Variants in RFTN1 observed in about 807,000 individuals in gnomAD.
RFTN1 encodes the protein raftlin.
In RFTN1, 26 loss-of-function variants were observed where a neutral mutation model predicts 46.5. That is an observed-to-expected ratio of 0.56 (90% CI 0.41 to 0.78). The LOEUF is 0.78. RFTN1 is among the 30% of genes least tolerant of loss of function. The pLI is 0.00. For synonymous variants in RFTN1, 261 were observed against 284.2 expected, an observed-to-expected ratio of 0.92 and a Z score of 0.82; for missense variants, 693 against 718.7, an observed-to-expected ratio of 0.96 and a Z score of 0.41.
intron 7 of RFTN1, among the ~76,000 whole-genome samples, chr3:16,357,137 C>A (rs28494175): frequency 3.6e-3 from 110 of 30,256 alleles, no homozygotes; most frequent in Non-Finnish European, 6.7e-3. Context: ...AACAAAAAAA[C>A]AAACAAACAA....
In RFTN1 at chr3:16,353,868, C is replaced by A. The variant is rs1311760762; in HGVS notation, c.1146+4064G>T. ...ACCCTCCCAGAACCTTGATCTTGGA[C>A]TTTTCAGCCTCCAGAACTGAGAGGA... On this transcript the variant is annotated intron_variant, in intron 7 of 9. Transcript: ENST00000334133. This position sits in a 1 kb window ranked among gnomAD's most constrained non-coding sequence, Gnocchi z 5.4. Among the ~76,000 whole-genome samples, 1 of 152,180 alleles carries A rather than the reference C, an allele frequency of 6.6e-6. No individual in the cohort carries two copies. Among genetic ancestry groups the A allele is most frequent in the Admixed American group, 6.5e-5 (1 of 15,280 alleles).
Position 16,320,803 on chromosome 3 carries a change from C to A in RFTN1, c.1332+2573G>T, listed in dbSNP as rs1325059345. On this transcript the variant is annotated intron_variant, in intron 9 of 9. Transcript: ENST00000334133. This position sits in a 1 kb window ranked among gnomAD's most constrained non-coding sequence, Gnocchi z 4.5. Reference sequence around the variant, plus strand: ...GGCTGGCAGAGGAGGTAAGAGGGACCAGATCCCTTGGGGCCTTGAGGGCCA... The same window carrying A: ...GGCTGGCAGAGGAGGTAAGAGGGACAAGATCCCTTGGGGCCTTGAGGGCCA... 3.3e-5 allele frequency among the ~76,000 whole-genome samples: 5 copies of A among 152,166 alleles called. No individual in the cohort carries two copies. The highest frequency in any genetic ancestry group is 1.5e-5 in the Non-Finnish European group (1 of 68,020).
rs1369177096 is a variant in RFTN1 at position 16,381,862 on chromosome 3, T to C, written c.442-3760A>G. On this transcript the variant is annotated intron_variant, in intron 4 of 9. Coordinates refer to ENST00000334133, the MANE Select transcript of RFTN1 (RefSeq NM_015150.2). The surrounding 1 kb of genome is among the most constrained non-coding windows in gnomAD (Gnocchi z 4.2). Reference sequence around the variant, plus strand: ...CTTGGATCCATGCCCGCAAAGGCTCTCAGTTCACCCTGCAGGCCAGCATAT... The same window carrying C: ...CTTGGATCCATGCCCGCAAAGGCTCCCAGTTCACCCTGCAGGCCAGCATAT... Among the ~76,000 whole-genome samples, 1 of 152,110 alleles carries C rather than the reference T, an allele frequency of 6.6e-6. No individual in the cohort carries two copies. Among genetic ancestry groups the C allele is most frequent in the Admixed American group, 6.5e-5 (1 of 15,270 alleles).
In RFTN1 at chr3:16,489,962, C is replaced by T. The variant is rs2076513631; in HGVS notation, c.145+3763G>A. ...GAGGTGAGGACGTAATGTCCTATCA[C>T]AGGACTGGGCACATAGTAGCACTCA... On this transcript the variant is annotated intron_variant, in intron 2 of 9. Coordinates refer to ENST00000334133, the MANE Select transcript of RFTN1 (RefSeq NM_015150.2). This position sits in a 1 kb window ranked among gnomAD's most constrained non-coding sequence, Gnocchi z 4.0. Among the ~76,000 whole-genome samples, 1 of 152,132 alleles carries T rather than the reference C, an allele frequency of 6.6e-6. No individual in the cohort carries two copies. Among genetic ancestry groups the T allele is most frequent in the Non-Finnish European group, 1.5e-5 (1 of 68,024 alleles).
At position 16,374,779 on chromosome 3, in the gene RFTN1, A is replaced by G. The variant is rs562597831; in HGVS notation, c.826+2939T>C. ...CAGGCTCAGGTGATCACGGCACAGC[A>G]CGGACCTCCAACCAAAAGGAAATTC... is the stretch of plus-strand genomic sequence containing the variant. On this transcript the variant is annotated intron_variant, in intron 5 of 9. Transcript: ENST00000334133. The surrounding 1 kb of genome is among the most constrained non-coding windows in gnomAD (Gnocchi z 5.4). 2.3e-4 allele frequency among the ~76,000 whole-genome samples: 35 copies of G among 152,320 alleles called. 1 individual carries two copies. The South Asian group carries it at 4.1e-3, about 18-fold the overall frequency.
rs115325310 is a variant in RFTN1 at position 16,487,604 on chromosome 3, C to A, written c.145+6121G>T. Among the ~76,000 whole-genome samples, 750 of 152,326 alleles carry A rather than the reference C, an allele frequency of 4.9e-3. 5 individuals are homozygous for A. The highest frequency in any genetic ancestry group is 0.016 in the African/African-American group (650 of 41,580). On this transcript the variant is annotated intron_variant, in intron 2 of 9. Transcript: ENST00000334133. Reference sequence around the variant, plus strand: ...TACCATGTGGCTGGTGGCTCCTGTACTAGTCAGTGCAGGACTGGACCATTC... The same window carrying A: ...TACCATGTGGCTGGTGGCTCCTGTAATAGTCAGTGCAGGACTGGACCATTC...
At chr3:16,319,253 T>C (rs2068776924) in intron 9 of RFTN1, among the ~76,000 whole-genome samples, 2 of 152,330 alleles carry the variant, frequency 1.3e-5, no homozygotes, top group South Asian at 2.1e-4. Flanking sequence ...CGAGAGGCAG[T>C]TGGCTCTCAG....
intron 7 of RFTN1, among the ~76,000 whole-genome samples, chr3:16,331,176 G>A (rs897803711): frequency 2.6e-5 from 4 of 152,164 alleles, no homozygotes; most frequent in Non-Finnish European, 5.9e-5. Context: ...ACCAATTAGG[G>A]TATGTAAGGG....
chr3:16,496,191 GCC>G (rs921831028), intron 1 of RFTN1, among the ~76,000 whole-genome samples: 2 of 152,234 alleles, frequency 1.3e-5, no homozygotes, highest in African/African-American at 4.8e-5. Context: ...TTTGTAGTTT[GCC>G]TATTTCTGTG....
Position 16,320,262 on chromosome 3 carries a change from C to T in RFTN1, c.1333-3030G>A. Among the ~76,000 whole-genome samples the T allele has an allele frequency of 6.6e-6, 1 of 152,204 alleles. No individual in the cohort carries two copies. The highest frequency in any genetic ancestry group is 1.9e-4 in the East Asian group (1 of 5,196). On this transcript the variant is annotated intron_variant, in intron 9 of 9. Coordinates refer to ENST00000334133, the MANE Select transcript of RFTN1 (RefSeq NM_015150.2). This position sits in a 1 kb window ranked among gnomAD's most constrained non-coding sequence, Gnocchi z 4.5. ...ATATTTGCCTTGAAAATCACACGCA[C>T]GTACACAGAGGTTTCTTTCCAATGC...
In RFTN1 at chr3:16,441,449, C is replaced by T. The variant is rs1430954567; in HGVS notation, c.146-7412G>A. ...TTTGTTTAGCAAAAACATTCCACAG[C>T]TCCATTTATTCCCTGGAAACGAAGC... On this transcript the variant is annotated intron_variant, in intron 2 of 9. Transcript: ENST00000334133. Among the ~76,000 whole-genome samples the T allele has an allele frequency of 7.2e-5, 11 of 152,286 alleles. No homozygotes were observed. The East Asian group carries it at 1.9e-3, about 27-fold the overall frequency.
chr3:16,484,882 G>A lies in RFTN1; in HGVS notation c.145+8843C>T, dbSNP rs2076423271. Reference sequence around the variant, plus strand: ...CAATTTATTCTTCTATACCGTGGGGGTGACTCCACCTACCTCATAAGATTG... The same window carrying A: ...CAATTTATTCTTCTATACCGTGGGGATGACTCCACCTACCTCATAAGATTG... On this transcript the variant is annotated intron_variant, in intron 2 of 9. Coordinates refer to ENST00000334133, the MANE Select transcript of RFTN1 (RefSeq NM_015150.2). The surrounding 1 kb of genome is among the most constrained non-coding windows in gnomAD (Gnocchi z 4.6). 1 of 152,202 alleles carries A rather than the reference G, an allele frequency of 6.6e-6. No individual in the cohort carries two copies. Among genetic ancestry groups the A allele is most frequent in the East Asian group, 1.9e-4 (1 of 5,200 alleles). 9.4% of individuals were successfully genotyped at this position (152,202 alleles called of 1,614,324 possible).
In RFTN1 at chr3:16,506,984, G is replaced by A. The variant is rs1286181486; in HGVS notation, c.-9+6458C>T. 3.3e-5 allele frequency among the ~76,000 whole-genome samples: 5 copies of A among 152,172 alleles called. No homozygotes were observed. The highest frequency in any genetic ancestry group is 7.4e-5 in the Non-Finnish European group (5 of 68,022). On this transcript the variant is annotated intron_variant, in intron 1 of 9. Transcript: ENST00000334133. This position sits in a 1 kb window ranked among gnomAD's most constrained non-coding sequence, Gnocchi z 4.8. ...TTCTTAACAGTACAGCACAGGGGTT[G>A]GTCATACAGGCTCTGGAACCAGACT...
chr3:16,491,790 AC>A (rs1309403475), intron 2 of RFTN1, among the ~76,000 whole-genome samples: 10 of 152,200 alleles, frequency 6.6e-5, no homozygotes, highest in South Asian at 2.1e-4. Flanking sequence ...AAAAAAAAAA[AC>A]AACTGCAAAT....
At chr3:16,487,448 C>T (rs894756768) in intron 2 of RFTN1, among the ~76,000 whole-genome samples, 24 of 152,352 alleles carry the variant, frequency 1.6e-4, no homozygotes, top group African/African-American at 5.5e-4. Context: ...ATGATAAAAA[C>T]GTTCTCTGTC....
rs578212146 is a variant in RFTN1 at position 16,424,213 on chromosome 3, G to A, written c.332+9638C>T. 2.6e-5 allele frequency among the ~76,000 whole-genome samples: 4 copies of A among 152,258 alleles called. No homozygotes were observed. The South Asian group carries it at 6.2e-4, about 24-fold the overall frequency. ...GAGTTGAAAGATGATGTATTTCTGTGCCATGAGTCTCAAGATGGAACTTGA... is the reference window on the plus strand; with the variant it reads ...GAGTTGAAAGATGATGTATTTCTGTACCATGAGTCTCAAGATGGAACTTGA... On this transcript the variant is annotated intron_variant, in intron 3 of 9. Coordinates refer to ENST00000334133, the MANE Select transcript of RFTN1 (RefSeq NM_015150.2). This position sits in a 1 kb window ranked among gnomAD's most constrained non-coding sequence, Gnocchi z 4.7.
In RFTN1 at chr3:16,465,062, C is replaced by T. The variant is rs1177776; in HGVS notation, c.145+28663G>A. ...AGGAGAGAGACAGAGGGGAATGAGT[C>T]TGAAGCAGACAGTCCCAGTAAGGAA... On this transcript the variant is annotated intron_variant, in intron 2 of 9. Coordinates refer to ENST00000334133, the MANE Select transcript of RFTN1 (RefSeq NM_015150.2). The surrounding 1 kb of genome is among the most constrained non-coding windows in gnomAD (Gnocchi z 5.1). Among the ~76,000 whole-genome samples the T allele has an allele frequency of 6.6e-6, 1 of 152,132 alleles. No individual in the cohort carries two copies. Among genetic ancestry groups the T allele is most frequent in the South Asian group, 2.1e-4 (1 of 4,830 alleles).
In RFTN1 at chr3:16,509,203, A is replaced by G. The variant is rs1451985857; in HGVS notation, c.-9+4239T>C. Among the ~76,000 whole-genome samples, 5 of 151,920 alleles carry G rather than the reference A, an allele frequency of 3.3e-5. No individual in the cohort carries two copies. Among genetic ancestry groups the G allele is most frequent in the East Asian group, 1.9e-4 (1 of 5,200 alleles). On this transcript the variant is annotated intron_variant, in intron 1 of 9. Transcript: ENST00000334133. This position sits in a 1 kb window ranked among gnomAD's most constrained non-coding sequence, Gnocchi z 4.9. ...AAGACAAAATGAAAACAAACAAACA[A>G]CAACAAAAAAAAACTAAAGAAAATG... is the stretch of plus-strand genomic sequence containing the variant.
intron 6 of RFTN1, among the ~76,000 whole-genome samples, chr3:16,369,289 C>G (rs1161215993): frequency 6.6e-6 from 1 of 152,240 alleles, no homozygotes; most frequent in East Asian, 1.9e-4. Flanking sequence ...GCTGTTGATG[C>G]CCCCTGCCAG....
Sources: gnomAD v4.1 joint callset for allele counts (sites outside exome capture counted in the v4.1 genomes callset) on GRCh38, gnomAD v4.1.1 for gene constraint, Gnocchi (gnomAD v3.1) non-coding constraint, MANE v1.5 for transcripts, NCBI Gene and HGNC (gene_info 2026-07-23, HGNC 2026-07-21) for gene names.